The following RBP2 variants were observed in gnomAD, a reference collection of about 807,000 sequenced individuals.
RBP2 encodes the protein retinol binding protein 2, also known as retinol-binding protein 2.
In RBP2, 17 loss-of-function variants were observed where a neutral mutation model predicts 17.0. The observed-to-expected ratio is 1.00, with a 90% CI of 0.68 to 1.50. The LOEUF (loss-of-function observed/expected upper bound fraction) is 1.50. RBP2 is among the 40% of genes most tolerant of loss of function. The pLI is 0.00. For missense variants in RBP2, 158 were observed against 168.2 expected (o/e 0.94, Z 0.33); for synonymous variants, 48 against 57.1 (o/e 0.84, Z 0.72).
At chr3:139,460,970 C>T (rs534654938) in intron 2 of RBP2, among the ~76,000 whole-genome samples, 6 of 152,282 alleles carry the variant, frequency 3.9e-5, no homozygotes, top group Admixed American at 2.0e-4. Context: ...AAGCCGGGAA[C>T]CTTCCCAAAT....
intron 1 of RBP2, among the ~76,000 whole-genome samples, chr3:139,473,645 C>T (rs1015227209): frequency 3.3e-5 from 5 of 152,190 alleles, no homozygotes; most frequent in Admixed American, 2.0e-4. Flanking sequence ...GTCTTATGTC[C>T]TGGGCATGGA....
intron 1 of RBP2, among the ~76,000 whole-genome samples, chr3:139,473,699 T>C (rs1292968399): frequency 2.0e-5 from 3 of 152,208 alleles, no homozygotes; most frequent in African/African-American, 4.8e-5. Context: ...CAGGTTAGAT[T>C]GAAGGGGCAG....
chr3:139,465,110 A>T (rs922036416), intron 1 of RBP2, among the ~76,000 whole-genome samples: 1 of 152,204 alleles, frequency 6.6e-6, no homozygotes. Flanking sequence ...AATTGGATAG[A>T]TGTGTAGAGA....
intron 1 of RBP2, among the ~76,000 whole-genome samples, chr3:139,470,502 G>A (rs1230227900): frequency 6.6e-6 from 1 of 151,750 alleles, no homozygotes; most frequent in Non-Finnish European, 1.5e-5. Context: ...CCATGCTGTG[G>A]CCATAGTGAT....
chr3:139,473,765 A>G (rs1476315349), intron 1 of RBP2, among the ~76,000 whole-genome samples: 1 of 152,180 alleles, frequency 6.6e-6, no homozygotes. Context: ...AATCACTGCC[A>G]TGCCTGCCCC....
chr3:139,452,981 G>C lies in RBP2; in HGVS notation c.*135C>G. On this transcript the variant is annotated 3_prime_UTR_variant, in exon 4 of 4. Transcript: ENST00000232217. The stretch of plus-strand genomic sequence containing the variant: ...TCTATCACTGCTACATAGGCATTCT[G>C]TTTAAAACCCACCCAGATGCCTTAA... 1 of 967,970 alleles carries C rather than the reference G, an allele frequency of 1.0e-6. No homozygotes were observed. The highest frequency in any genetic ancestry group is 2.5e-5 in the East Asian group (1 of 40,658). 60.0% of individuals were successfully genotyped at this position (967,970 alleles called of 1,614,324 possible).
In RBP2 at chr3:139,462,284, T is replaced by C. The variant is rs1933216346; in HGVS notation, c.80A>G (p.Asp27Gly). ...TACTGCAATCTTGCGGGTGGCAAAA[T>C]CAATATCTGTTGGCAAAGGGAGTTG... The part of the protein sequence containing the change: ...FEGYMKALDI[D>G]FATRKIAVRL... The change falls in exon 2 of 4, where the codon GAT becomes GGT. Residue 27 changes from aspartate to glycine, a missense_variant. Transcript: ENST00000232217. 1.2e-6 allele frequency: 2 copies of C among 1,614,090 alleles called. No individual in the cohort carries two copies. The highest frequency in any genetic ancestry group is 8.5e-7 in the Non-Finnish European group (1 of 1,179,984).
At chr3:139,469,687 G>GTCTATCTATCTATCTATCTATCTA (rs543597083) in intron 1 of RBP2, among the ~76,000 whole-genome samples, 3 of 132,868 alleles carry the variant, frequency 2.3e-5, no homozygotes, top group East Asian at 2.1e-4. Flanking sequence ...CTGTCTGTCT[G>GTCTATCTATCTATCTATCTATCTA]TCTATCTATC....
At chr3:139,474,382 AAGC>A (rs1933660222) in intron 1 of RBP2, among the ~76,000 whole-genome samples, 1 of 152,168 alleles carries the variant, frequency 6.6e-6, no homozygotes, top group South Asian at 2.1e-4. Context: ...TTCTCACCTT[AAGC>A]CTAGAGAGGT....
intron 1 of RBP2, among the ~76,000 whole-genome samples, chr3:139,474,063 T>C (rs535016704): frequency 4.6e-5 from 7 of 152,234 alleles, no homozygotes; most frequent in Non-Finnish European, 8.8e-5. Context: ...AACGACTTGC[T>C]CATTAGAGTG....
chr3:139,469,254 C>G (rs1448543837), intron 1 of RBP2, among the ~76,000 whole-genome samples: 2 of 152,086 alleles, frequency 1.3e-5, no homozygotes, highest in Non-Finnish European at 2.9e-5. Context: ...TTTTCCATGC[C>G]ACTTCCTCCT....
At chr3:139,453,536 C>A (rs1218959592) in intron 3 of RBP2, among the ~76,000 whole-genome samples, 1 of 152,238 alleles carries the variant, frequency 6.6e-6, no homozygotes, top group Non-Finnish European at 1.5e-5. Context: ...TGAAAAGATG[C>A]TGGCCAGTGA....
At chr3:139,459,400 A>ATGTG (rs57107462) in intron 2 of RBP2, among the ~76,000 whole-genome samples, 42,655 of 128,328 alleles carry the variant, frequency 0.33, 8,759 homozygotes, top group Non-Finnish European at 0.46. Flanking sequence ...TACTATATAT[A>ATGTG]TGTGTGTGTG....
chr3:139,454,888 C>T, intron 2 of RBP2, 58 bp from the exon 3 acceptor site: 1 of 1,517,338 alleles, frequency 6.6e-7, no homozygotes, highest in Non-Finnish European at 9.2e-7. Context: ...CTGAACAAAT[C>T]TAAACCTGCA....
At chr3:139,465,335 G>A (rs547050477) in intron 1 of RBP2, among the ~76,000 whole-genome samples, 6 of 152,118 alleles carry the variant, frequency 3.9e-5, no homozygotes, top group Admixed American at 3.9e-4. Flanking sequence ...TTGTGTCTAG[G>A]GATAGTGTCT....
At chr3:139,470,825 C>T (rs1933541063) in intron 1 of RBP2, among the ~76,000 whole-genome samples, 1 of 152,032 alleles carries the variant, frequency 6.6e-6, no homozygotes, top group Admixed American at 6.6e-5. Context: ...GGCCTCATGT[C>T]ACCCTCTTGC....
At chr3:139,453,618 C>T (rs969172675) in intron 3 of RBP2, among the ~76,000 whole-genome samples, 18 of 152,324 alleles carry the variant, frequency 1.2e-4, no homozygotes, top group Admixed American at 4.6e-4. Context: ...CGCAGGTACC[C>T]GCAGGGTGTG....
chr3:139,475,334 A>T (rs111513042), intron 1 of RBP2, among the ~76,000 whole-genome samples: 2 of 151,104 alleles, frequency 1.3e-5, no homozygotes, highest in African/African-American at 2.4e-5. Context: ...TAAAAAAAAA[A>T]AAAAAAAAAA....
intron 1 of RBP2, among the ~76,000 whole-genome samples, chr3:139,469,378 A>G (rs1023986745): frequency 6.6e-6 from 1 of 152,064 alleles, no homozygotes; most frequent in African/African-American, 2.4e-5. Flanking sequence ...CCTGCTCCCT[A>G]TGCACTGTTT....
Sources: allele counts gnomAD v4.1 joint callset (sites outside exome capture counted in the v4.1 genomes callset), GRCh38; gene constraint gnomAD v4.1.1; transcripts MANE v1.5; gene names NCBI Gene and HGNC (gene_info 2026-07-23, HGNC 2026-07-21).